Variants in SNTB2 observed in about 807,000 individuals in gnomAD.
The protein encoded by SNTB2 is beta-2-syntrophin.
SNTB2 carries 34 observed loss-of-function variants against 46.2 expected under a neutral mutation model. That is an observed-to-expected ratio of 0.74 (90% CI 0.56 to 0.98). The LOEUF is 0.98. SNTB2 is among the 50% of genes least tolerant of loss of function. The probability of loss-of-function intolerance (pLI) is 0.00; values close to 1 mark genes in which losing one functional copy is unlikely to be tolerated. For missense variants in SNTB2, 603 were observed against 731.4 expected (o/e 0.82, Z 2.02); for synonymous variants, 290 against 312.6 (o/e 0.93, Z 0.76).
chr16:69,196,628 C>T (rs1467114231), intron 1 of SNTB2, among the ~76,000 whole-genome samples: 1 of 152,106 alleles, frequency 6.6e-6, no homozygotes, highest in Non-Finnish European at 1.5e-5. Flanking sequence ...CCACCTTGGC[C>T]TCCCAAAGTC....
chr16:69,274,469 C>G (rs930601783), intron 4 of SNTB2, among the ~76,000 whole-genome samples: 5 of 151,702 alleles, frequency 3.3e-5, no homozygotes, highest in Non-Finnish European at 7.4e-5. Flanking sequence ...CTGGCTAACA[C>G]AGTGAAACCC....
At chr16:69,291,577 C>T (rs1965159431) in intron 5 of SNTB2, among the ~76,000 whole-genome samples, 1 of 152,094 alleles carries the variant, frequency 6.6e-6, no homozygotes, top group African/African-American at 2.4e-5. Context: ...GGCATGGTGG[C>T]ATGCACCTGT....
At chr16:69,268,213 C>T (rs544696682) in intron 3 of SNTB2, among the ~76,000 whole-genome samples, 7 of 152,244 alleles carry the variant, frequency 4.6e-5, no homozygotes, top group African/African-American at 1.2e-4. Context: ...CTTGTAATCC[C>T]AGCACTTTGG....
chr16:69,197,172 T>C (rs1485129267), intron 1 of SNTB2, among the ~76,000 whole-genome samples: 2 of 152,238 alleles, frequency 1.3e-5, no homozygotes, highest in African/African-American at 4.8e-5. Context: ...TAAATACTAA[T>C]AAACTGCACA....
In SNTB2 at chr16:69,235,797, T is replaced by G. The variant is rs536689188; in HGVS notation, c.581-9805T>G. The G allele has an allele frequency of 8.8e-5, 113 of 1,289,376 alleles. 1 individual carries two copies. The Admixed American group carries it at 2.5e-3, about 29-fold the overall frequency. The allele number at this position is 1,289,376 out of a possible 1,614,324, so 79.9% of individuals were successfully genotyped here. A position where few individuals can be genotyped will look rare whatever the true frequency, so the allele number is the denominator to read the frequency against. On this transcript the variant is annotated intron_variant, in intron 1 of 6. Coordinates refer to ENST00000336278, the MANE Select transcript of SNTB2 (RefSeq NM_006750.4). ...TGACCAATATCAGGGGCACATCAGCTGCTGTACTAAGTTTCTTCAAATATC... is the reference window on the plus strand; with the variant it reads ...TGACCAATATCAGGGGCACATCAGCGGCTGTACTAAGTTTCTTCAAATATC...
At chr16:69,199,288 T>C (rs1964136915) in intron 1 of SNTB2, among the ~76,000 whole-genome samples, 1 of 152,196 alleles carries the variant, frequency 6.6e-6, no homozygotes, top group African/African-American at 2.4e-5. Context: ...CAATACCTTA[T>C]TGTGAGCTTC....
At chr16:69,276,941 C>T (rs1053307189) in intron 4 of SNTB2, among the ~76,000 whole-genome samples, 1 of 152,052 alleles carries the variant, frequency 6.6e-6, no homozygotes, top group Admixed American at 6.6e-5. Flanking sequence ...TAATCTTGAC[C>T]CTTGAGTATT....
At chr16:69,293,123 A>G (rs1035662116) in intron 5 of SNTB2, among the ~76,000 whole-genome samples, 3 of 152,228 alleles carry the variant, frequency 2.0e-5, no homozygotes, top group African/African-American at 7.2e-5. Flanking sequence ...TAAATATTAA[A>G]TATCTTGCAT....
intron 1 of SNTB2, chr16:69,235,931 G>A: frequency 9.2e-7 from 1 of 1,091,156 alleles, no homozygotes; most frequent in Non-Finnish European, 1.2e-6. Context: ...GTTTATCTGT[G>A]CTACATCTTA....
chr16:69,237,172 A>G (rs1391067152), intron 1 of SNTB2, among the ~76,000 whole-genome samples: 1 of 152,206 alleles, frequency 6.6e-6, no homozygotes, highest in Non-Finnish European at 1.5e-5. Flanking sequence ...GAAAGCTGAC[A>G]GGGATGAGAG....
At chr16:69,269,918 G>T (rs1039773769) in intron 3 of SNTB2, among the ~76,000 whole-genome samples, 2 of 152,178 alleles carry the variant, frequency 1.3e-5, no homozygotes, top group African/African-American at 4.8e-5. Context: ...GAAAAACTAT[G>T]TTGTATCACT....
intron 1 of SNTB2, among the ~76,000 whole-genome samples, chr16:69,205,380 A>G (rs1964206312): frequency 6.8e-6 from 1 of 146,576 alleles, no homozygotes; most frequent in South Asian, 2.1e-4. Flanking sequence ...CACATTGTGC[A>G]GTAGAGACGG....
At chr16:69,198,896 GTTTTT>G (rs1206371769) in intron 1 of SNTB2, among the ~76,000 whole-genome samples, 1 of 127,678 alleles carries the variant, frequency 7.8e-6, no homozygotes, top group Admixed American at 8.0e-5. Flanking sequence ...ATATAATAAT[GTTTTT>G]TTTTTTTTTT....
At chr16:69,226,587 T>TG (rs1308125801) in intron 1 of SNTB2, among the ~76,000 whole-genome samples, 2 of 152,170 alleles carry the variant, frequency 1.3e-5, no homozygotes, top group African/African-American at 4.8e-5. Context: ...TGGAGTGCGG[T>TG]GGTGGGATTG....
At chr16:69,273,409 G>A (rs1269881389) in intron 4 of SNTB2, among the ~76,000 whole-genome samples, 1 of 152,164 alleles carries the variant, frequency 6.6e-6, no homozygotes, top group Non-Finnish European at 1.5e-5. Flanking sequence ...AAACAATAAT[G>A]TTCTGATACA....
chr16:69,202,363 C>T (rs566522414), intron 1 of SNTB2, among the ~76,000 whole-genome samples: 1 of 150,586 alleles, frequency 6.6e-6, no homozygotes, highest in Non-Finnish European at 1.5e-5. Flanking sequence ...AGTTACTATT[C>T]ATACTAAATG....
At chr16:69,256,014 C>T (rs1178066144) in intron 2 of SNTB2, among the ~76,000 whole-genome samples, 4 of 151,874 alleles carry the variant, frequency 2.6e-5, no homozygotes, top group Non-Finnish European at 4.4e-5. Flanking sequence ...AGTGAAACCC[C>T]GTCTCTACTA....
At position 69,302,311 on chromosome 16, in the gene SNTB2, A is replaced by T. The variant is rs1965282307; in HGVS notation, c.*1387A>T. The T allele has an allele frequency of 6.6e-6, 1 of 152,182 alleles. No individual in the cohort carries two copies. Among genetic ancestry groups the T allele is most frequent in the African/African-American group, 2.4e-5 (1 of 41,436 alleles). 9.4% of individuals were successfully genotyped at this position (152,182 alleles called of 1,614,324 possible). A position where few individuals can be genotyped will look rare whatever the true frequency, so the allele number is the denominator to read the frequency against. On this transcript the variant is annotated 3_prime_UTR_variant, in exon 7 of 7. Transcript: ENST00000336278. ...GGTGGTATATATCTGCAAACATTTA[A>T]AATGGTATAATATCATATAAAATGT... is the stretch of plus-strand genomic sequence containing the variant.
At chr16:69,262,650 A>C (rs993950632) in intron 3 of SNTB2, among the ~76,000 whole-genome samples, 1 of 151,906 alleles carries the variant, frequency 6.6e-6, no homozygotes, top group African/African-American at 2.4e-5. Context: ...AAAACATTTA[A>C]AATTTTTTAT....
Sources: gnomAD v4.1 joint callset for allele counts (sites outside exome capture counted in the v4.1 genomes callset) on GRCh38, gnomAD v4.1.1 for gene constraint, MANE v1.5 for transcripts, NCBI Gene and HGNC (gene_info 2026-07-23, HGNC 2026-07-21) for gene names.